The following EPHB4 variants were observed in gnomAD, a reference collection of about 807,000 sequenced individuals.
EPHB4 encodes EPH receptor B4.
EPHB4 carries 50 observed loss-of-function variants against 110.6 expected under a neutral mutation model. The observed-to-expected ratio is 0.45, with a 90% CI of 0.36 to 0.57. The LOEUF is 0.57. EPHB4 is among the 20% of genes least tolerant of loss of function. EPHB4 has a pLI of 0.00. For synonymous variants in EPHB4, 592 were observed against 578.4 expected (o/e 1.02, Z -0.34); for missense variants, 1,128 against 1,382.1 (o/e 0.82, Z 2.91).
intron 8 of EPHB4, among the ~76,000 whole-genome samples, chr7:100,815,019 A>C (rs1813032451): frequency 6.6e-6 from 1 of 151,846 alleles, no homozygotes; most frequent in Non-Finnish European, 1.5e-5. Context: ...CGTGTGTTCA[A>C]AACAAAAACA....
chr7:100,817,450 C>T, intron 7 of EPHB4, 93 bp from the exon 8 acceptor site: 1 of 1,400,842 alleles, frequency 7.1e-7, no homozygotes, highest in Non-Finnish European at 9.4e-7. Flanking sequence ...ACTCCCATCA[C>T]TAGCCTGCCT....
intron 11 of EPHB4, 26 bp downstream of exon 11, chr7:100,813,069 G>A (rs368362086): frequency 5.2e-4 from 836 of 1,612,966 alleles, no homozygotes; most frequent in Non-Finnish European, 6.5e-4. Context: ...TCGTTCCCAG[G>A]TGCCCGGGCA....
rs1813313836 is a variant in EPHB4 at position 100,824,148 on chromosome 7, C to A, written c.123+55G>T. On this transcript the variant is annotated intron_variant, in intron 2 of 16. Coordinates refer to ENST00000358173, the MANE Select transcript of EPHB4 (RefSeq NM_004444.5). ...ACACAGAAAGCAGGCGGCACAGGCG[C>A]CCTCTCCTCCCTCAGTTTCCCTCCA... The A allele has an allele frequency of 6.8e-6, 11 of 1,610,752 alleles. No homozygotes were observed. The Admixed American group carries it at 1.7e-4, about 24-fold the overall frequency.
Position 100,807,526 on chromosome 7 carries a change from C to T in EPHB4, c.2173G>A (p.Ala725Thr), listed in dbSNP as rs1159930961. 3 of 1,613,940 alleles carry T rather than the reference C, an allele frequency of 1.9e-6. No individual in the cohort carries two copies. The highest frequency in any genetic ancestry group is 1.7e-6 in the Non-Finnish European group (2 of 1,180,004). ...IQLVGMLRGI[A>T]SGMRYLAEMS... ...TCGGCAAGGTACCGCATGCCCGAGG[C>T]GATGCCCCGCAGCATGCCCACGAGC... Residue 725 changes from alanine (A) to threonine (T), a missense_variant, in exon 13 of 17, where the codon GCC (alanine) becomes ACC (threonine). By Grantham distance (58) the Ala-to-Thr change is moderately conservative (BLOSUM62 0). This residue lies in a region of EPHB4 where 191 missense variants were observed against 313.0 expected (regional missense o/e 0.61). Transcript: ENST00000358173.
intron 16 of EPHB4, among the ~76,000 whole-genome samples, chr7:100,804,402 C>T (rs1342530322): frequency 1.4e-5 from 2 of 146,370 alleles, no homozygotes; most frequent in Non-Finnish European, 3.0e-5. Context: ...GCAACCTCCA[C>T]CTCCCGGGTT....
chr7:100,822,162 A>C lies in EPHB4; in HGVS notation c.808+109T>G, dbSNP rs1813251143. ...AGCCTGGGTGACAGAGCAAGCCTCC[A>C]TTTCAACATCTAACTATACAAAATG... is the stretch of plus-strand genomic sequence containing the variant. On this transcript the variant is annotated intron_variant, in intron 4 of 16. Coordinates refer to ENST00000358173, the MANE Select transcript of EPHB4 (RefSeq NM_004444.5). The surrounding 1 kb of genome is among the most constrained non-coding windows in gnomAD (Gnocchi z 4.7). The C allele has an allele frequency of 5.0e-6, 7 of 1,406,712 alleles. No homozygotes were observed. In the South Asian group the frequency reaches 7.3e-5, roughly 15 times the overall value. The allele number at this position is 1,406,712 out of a possible 1,614,324, so 87.1% of individuals were successfully genotyped here.
chr7:100,822,485 G>A lies in EPHB4; in HGVS notation c.594C>T (p.Ala198=), dbSNP rs775962017. 6.2e-7 allele frequency: 1 copy of A among 1,612,972 alleles called. No homozygotes were observed. The highest frequency in any genetic ancestry group is 8.5e-7 in the Non-Finnish European group (1 of 1,179,630). The change falls in exon 4 of 17, where the codon GCC becomes GCT. Residue 198 remains alanine, a synonymous_variant. Coordinates refer to ENST00000358173, the MANE Select transcript of EPHB4 (RefSeq NM_004444.5). This position sits in a 1 kb window ranked among gnomAD's most constrained non-coding sequence, Gnocchi z 4.7. ...LSLHLFYKKC[A]QLTVNLTRFP... ...ATCGAGTCAGGTTCACAGTCAGCTG[G>A]GCGCACTTTTTGTAGAAGAGGTGCA...
chr7:100,813,622 C>A, intron 10 of EPHB4, 30 bp downstream of exon 10: 1 of 1,612,980 alleles, frequency 6.2e-7, no homozygotes, highest in Non-Finnish European at 8.5e-7. Flanking sequence ...GGCCCCAAGC[C>A]CCTATTCCCA....
chr7:100,817,445 C>G (rs1813105015), intron 7 of EPHB4, 88 bp from the exon 8 acceptor site: 1 of 1,415,906 alleles, frequency 7.1e-7, no homozygotes, highest in African/African-American at 1.5e-5. Flanking sequence ...CCTCCACTCC[C>G]ATCACTAGCC....
chr7:100,813,780 C>A (rs1813003193), intron 9 of EPHB4, 64 bp from the exon 10 acceptor site: 65 of 1,610,252 alleles, frequency 4.0e-5, no homozygotes, highest in Non-Finnish European at 5.4e-5. Context: ...GGCACACACA[C>A]CAAAGGAAGG....
intron 15 of EPHB4, 66 bp downstream of exon 15, chr7:100,805,435 G>A (rs543778350): frequency 1.1e-4 from 164 of 1,557,348 alleles, no homozygotes; most frequent in African/African-American, 1.9e-4. Context: ...ACCAATGAAC[G>A]GACACTTCTG....
chr7:100,803,735 C>T (rs200182473), intron 16 of EPHB4, 145 bp from the exon 17 acceptor site: 289 of 1,137,322 alleles, frequency 2.5e-4, no homozygotes, highest in East Asian at 1.3e-3. Context: ...CAACAGTTCC[C>T]GGGCAGTTTT....
intron 7 of EPHB4, among the ~76,000 whole-genome samples, chr7:100,817,628 C>T (rs888154315): frequency 3.9e-5 from 6 of 151,962 alleles, no homozygotes; most frequent in African/African-American, 1.4e-4. Context: ...ACTTGGGTTC[C>T]AGTGATTCTC....
At position 100,822,802 on chromosome 7, in the gene EPHB4, G is replaced by A; in HGVS notation, c.412-135C>T. On this transcript the variant is annotated intron_variant, in intron 3 of 16. Transcript: ENST00000358173. This position sits in a 1 kb window ranked among gnomAD's most constrained non-coding sequence, Gnocchi z 4.7. ...GAATCTTCCCTCCACCTTCCCCAGG[G>A]CACACTTTCTGCAGGCCCCCACACT... The A allele has an allele frequency of 7.5e-7, 1 of 1,334,194 alleles. No homozygotes were observed. The highest frequency in any genetic ancestry group is 9.9e-7 in the Non-Finnish European group (1 of 1,010,140). The allele number at this position is 1,334,194 out of a possible 1,614,324, so 82.6% of individuals were successfully genotyped here.
chr7:100,820,901 A>G (rs182432678), intron 4 of EPHB4: 1 of 151,954 alleles, frequency 6.6e-6, no homozygotes, highest in Admixed American at 6.6e-5. Context: ...AGGAGGCCAA[A>G]GAGGGCAGAT....
At position 100,813,611 on chromosome 7, in the gene EPHB4, C is replaced by T. The variant is rs201755706; in HGVS notation, c.1756+41G>A. ...GATTATAGATAGGAGCCACCACACC[C>T]GGCCCCAAGCCCCTATTCCCATCAA... On this transcript the variant is annotated intron_variant, in intron 10 of 16. Coordinates refer to ENST00000358173, the MANE Select transcript of EPHB4 (RefSeq NM_004444.5). The T allele has an allele frequency of 3.0e-4, 479 of 1,607,964 alleles. 4 individuals are homozygous for T. The East Asian group carries it at 7.5e-3, about 25-fold the overall frequency.
chr7:100,826,337 G>A (rs981462509), intron 1 of EPHB4, among the ~76,000 whole-genome samples: 6 of 152,158 alleles, frequency 3.9e-5, no homozygotes, highest in African/African-American at 1.4e-4. Context: ...AGGGAAGCCC[G>A]GGACTCACCT....
chr7:100,813,688 A>C lies in EPHB4; in HGVS notation c.1720T>G (p.Tyr574Asp), dbSNP rs1237602878. 2 of 1,614,128 alleles carry C rather than the reference A, an allele frequency of 1.2e-6. No individual in the cohort carries two copies. Among genetic ancestry groups the C allele is most frequent in the South Asian group, 2.2e-5 (2 of 91,080 alleles). ...RKQSNGREAE[Y>D]SDKHGQYLIG... ...AGATACTGTCCGTGTTTGTCCGAAT[A>C]TTCTGCTTCTCTCCCATTGCTCTGC... The change falls in exon 10 of 17, where the codon TAT (tyrosine) becomes GAT (aspartate). Residue 574 changes from tyrosine (Y) to aspartate (D), a missense_variant. Coordinates refer to ENST00000358173, the MANE Select transcript of EPHB4 (RefSeq NM_004444.5).
chr7:100,822,146 G>A lies in EPHB4; in HGVS notation c.808+125C>T. The A allele has an allele frequency of 7.4e-7, 1 of 1,343,334 alleles. No homozygotes were observed. Among genetic ancestry groups the A allele is most frequent in the Non-Finnish European group, 9.9e-7 (1 of 1,013,178 alleles). The allele number at this position is 1,343,334 out of a possible 1,614,324, so 83.2% of individuals were successfully genotyped here. ...TGTGCCACTGCACTCCAGCCTGGGT[G>A]ACAGAGCAAGCCTCCATTTCAACAT... is the stretch of plus-strand genomic sequence containing the variant. On this transcript the variant is annotated intron_variant, in intron 4 of 16. Coordinates refer to ENST00000358173, the MANE Select transcript of EPHB4 (RefSeq NM_004444.5). The surrounding 1 kb of genome is among the most constrained non-coding windows in gnomAD (Gnocchi z 4.7).
Sources: gnomAD v4.1 joint callset for allele counts (sites outside exome capture counted in the v4.1 genomes callset) on GRCh38, gnomAD v4.1.1 for gene constraint, gnomAD v4.1.1 regional missense constraint, Gnocchi (gnomAD v3.1) non-coding constraint, MANE v1.5 for transcripts, NCBI Gene and HGNC (gene_info 2026-07-23, HGNC 2026-07-21) for gene names.